The following WDR72 variants were observed in gnomAD, a reference collection of about 807,000 sequenced individuals.
WDR72 encodes WD repeat domain 72.
Under a neutral mutation model 124.2 loss-of-function variants are expected in WDR72, and 120 were observed. That is an observed-to-expected ratio of 0.97 (90% CI 0.83 to 1.12). WDR72 has a LOEUF of 1.12. Ranked by LOEUF, WDR72 falls within the 50% of genes most tolerant of loss-of-function variation. The pLI is 0.00. For missense variants in WDR72, 1,387 were observed against 1,278.8 expected (o/e 1.08, Z -1.29); for synonymous variants, 452 against 441.7 (o/e 1.02, Z -0.29).
chr15:53,708,966 A>G (rs2017460501), intron 9 of WDR72, among the ~76,000 whole-genome samples: 1 of 152,202 alleles, frequency 6.6e-6, no homozygotes, highest in African/African-American at 2.4e-5. Context: ...CCATCAGCAG[A>G]TATGTACATG....
At chr15:53,666,681 A>G (rs984730919) in intron 13 of WDR72, among the ~76,000 whole-genome samples, 2 of 152,244 alleles carry the variant, frequency 1.3e-5, no homozygotes, top group African/African-American at 4.8e-5. Context: ...CCAATGAGAA[A>G]GAAGTAGATG....
chr15:53,532,162 G>A (rs1892514396), intron 18 of WDR72, among the ~76,000 whole-genome samples: 1 of 152,072 alleles, frequency 6.6e-6, no homozygotes, highest in Non-Finnish European at 1.5e-5. Flanking sequence ...TCAAGGATGT[G>A]GAGAAAGGAG....
intron 18 of WDR72, among the ~76,000 whole-genome samples, chr15:53,536,150 G>C (rs1892748990): frequency 6.6e-6 from 1 of 152,090 alleles, no homozygotes; most frequent in Admixed American, 6.5e-5. Context: ...CTGCTTTTCT[G>C]CTGGCTGCTC....
chr15:53,572,609 T>A (rs1249729790), intron 18 of WDR72, among the ~76,000 whole-genome samples: 1 of 152,038 alleles, frequency 6.6e-6, no homozygotes, highest in East Asian at 1.9e-4. Flanking sequence ...TGAAAAAAAA[T>A]TTCTTTGTGG....
At chr15:53,571,834 C>T (rs1176790994) in intron 18 of WDR72, among the ~76,000 whole-genome samples, 1 of 151,532 alleles carries the variant, frequency 6.6e-6, no homozygotes, top group African/African-American at 2.4e-5. Context: ...TATAGATTCT[C>T]ACCAACAGTG....
chr15:53,742,006 G>T (rs1278711345), intron 1 of WDR72, among the ~76,000 whole-genome samples: 1 of 152,182 alleles, frequency 6.6e-6, no homozygotes, highest in Non-Finnish European at 1.5e-5. Flanking sequence ...GGGATTACAG[G>T]CATGAGCCAC....
chr15:53,638,048 T>C (rs189347530), intron 14 of WDR72, among the ~76,000 whole-genome samples: 2 of 152,128 alleles, frequency 1.3e-5, no homozygotes, highest in Admixed American at 6.5e-5. Flanking sequence ...ACCAGGAAAA[T>C]GAATGCATGA....
rs371876012 is a variant in WDR72, at chr15:53,518,419, CTG to C, written c.3254-667_3254-666del. The stretch of plus-strand genomic sequence containing the variant: ...TAGTTAAACCAGTACTGTATACTAA[CTG>C]TGTGTGTGTGTGTATTAATGTATAA... On this transcript the variant is annotated intron_variant, in intron 19 of 19. Transcript: ENST00000360509. 6.3e-4 allele frequency among the ~76,000 whole-genome samples: 95 copies of C among 151,418 alleles called. 1 individual carries two copies. The East Asian group carries it at 0.018, about 29-fold the overall frequency.
chr15:53,521,450 G>C (rs1014687708), intron 19 of WDR72, among the ~76,000 whole-genome samples: 1 of 152,106 alleles, frequency 6.6e-6, no homozygotes, highest in Non-Finnish European at 1.5e-5. Context: ...TTAAAATGCA[G>C]GAAGGGACAG....
At chr15:53,627,269 A>G (rs928695774) in intron 14 of WDR72, among the ~76,000 whole-genome samples, 17 of 152,348 alleles carry the variant, frequency 1.1e-4, no homozygotes, top group African/African-American at 3.8e-4. Context: ...TCATTTTACA[A>G]TACACCACAG....
intron 14 of WDR72, among the ~76,000 whole-genome samples, chr15:53,629,798 T>C (rs1160222376): frequency 1.3e-5 from 2 of 152,088 alleles, no homozygotes; most frequent in Non-Finnish European, 2.9e-5. Context: ...TTGGCAATCA[T>C]GGTAGCTATG....
chr15:53,743,468 T>C (rs554920345), intron 1 of WDR72, among the ~76,000 whole-genome samples: 2 of 152,300 alleles, frequency 1.3e-5, no homozygotes, highest in African/African-American at 4.8e-5. Context: ...GTTAATAAAG[T>C]AAAACTGTTC....
intron 18 of WDR72, among the ~76,000 whole-genome samples, chr15:53,555,489 T>C (rs1352129640): frequency 6.6e-6 from 1 of 152,096 alleles, no homozygotes; most frequent in Non-Finnish European, 1.5e-5. Flanking sequence ...TACTCAACTT[T>C]TATATCAGTT....
chr15:53,740,698 G>T (rs1249777040), intron 1 of WDR72, among the ~76,000 whole-genome samples: 1 of 152,160 alleles, frequency 6.6e-6, no homozygotes, highest in Non-Finnish European at 1.5e-5. Flanking sequence ...TTTGAAGATA[G>T]GGACAAAATA....
intron 14 of WDR72, among the ~76,000 whole-genome samples, chr15:53,638,830 C>A (rs185273817): frequency 5.3e-5 from 8 of 152,018 alleles, no homozygotes; most frequent in Non-Finnish European, 1.0e-4. Flanking sequence ...TGGCAAAACC[C>A]CGTCTCTACT....
intron 13 of WDR72, among the ~76,000 whole-genome samples, chr15:53,695,632 G>A (rs964056424): frequency 9.9e-5 from 15 of 152,204 alleles, no homozygotes; most frequent in African/African-American, 2.9e-4. Flanking sequence ...GCCAGAGGAC[G>A]AGGGCCCTCA....
intron 17 of WDR72, among the ~76,000 whole-genome samples, chr15:53,602,897 T>C (rs2013108443): frequency 6.6e-6 from 1 of 152,120 alleles, no homozygotes; most frequent in Non-Finnish European, 1.5e-5. Context: ...AGATGAATTA[T>C]ATGAGATATA....
intron 15 of WDR72, 84 bp from the exon 16 acceptor site, chr15:53,613,841 C>T: frequency 2.3e-6 from 2 of 865,350 alleles, no homozygotes; most frequent in Non-Finnish European, 3.8e-6. Flanking sequence ...GGGTACATGA[C>T]CACTTTAGCA....
intron 14 of WDR72, among the ~76,000 whole-genome samples, chr15:53,638,965 T>C (rs72747347): frequency 0.32 from 48,187 of 151,662 alleles, 9,520 homozygotes; most frequent in Middle Eastern, 0.56. Context: ...GCCATTGCAC[T>C]CCAGCCTGGG....
Sources: gnomAD v4.1 joint callset for allele counts (sites outside exome capture counted in the v4.1 genomes callset) on GRCh38, gnomAD v4.1.1 for gene constraint, MANE v1.5 for transcripts, NCBI Gene and HGNC (gene_info 2026-07-23, HGNC 2026-07-21) for gene names.